Variants in LAMA2 observed in about 807,000 individuals in gnomAD.
The protein encoded by LAMA2 is laminin subunit alpha 2, also known as laminin subunit alpha-2.
A neutral mutation model predicts 364.8 loss-of-function variants in LAMA2; 269 were observed. The observed-to-expected ratio is 0.74, with a 90% CI of 0.67 to 0.82. LAMA2 has a LOEUF of 0.82. Ranked by LOEUF, LAMA2 falls within the 40% of genes least tolerant of loss-of-function variation. The pLI, the probability that LAMA2 is intolerant of heterozygous loss-of-function variation, is 0.00. For missense variants in LAMA2, 3,807 were observed against 3,873.2 expected (o/e 0.98, Z 0.45); for synonymous variants, 1,379 against 1,370.6 (o/e 1.01, Z -0.14).
At chr6:128,921,697 G>GGTTTTTTTTTTTTTTT (rs1778727510) in intron 1 of LAMA2, among the ~76,000 whole-genome samples, 2 of 118,072 alleles carry the variant, frequency 1.7e-5, no homozygotes, top group African/African-American at 7.5e-5. Context: ...ATGAATGTCT[G>GGTTTTTTTTTTTTTTT]TTTTTTTTTT....
chr6:129,216,335 C>A lies in LAMA2; in HGVS notation c.1782+23482C>A, dbSNP rs551721115. Among the ~76,000 whole-genome samples, 45 of 152,282 alleles carry A rather than the reference C, an allele frequency of 3.0e-4. No homozygotes were observed. The South Asian group carries it at 8.5e-3, about 29-fold the overall frequency. ...TAGAGCTGCCTAGAGCATAGTCTGG[C>A]ACATTATATAAATATTAAATAATTC... On this transcript the variant is annotated intron_variant, in intron 12 of 64. Transcript: ENST00000421865.
chr6:129,368,182 C>T (rs1423134959), intron 33 of LAMA2, among the ~76,000 whole-genome samples: 2 of 152,220 alleles, frequency 1.3e-5, no homozygotes, highest in African/African-American at 4.8e-5. Flanking sequence ...CCAAAGGCTC[C>T]ACCTCCTAAT....
intron 17 of LAMA2, among the ~76,000 whole-genome samples, chr6:129,275,693 ATCAACATATCTTAT>A (rs1487953326): frequency 1.3e-5 from 2 of 149,806 alleles, no homozygotes; most frequent in Admixed American, 1.4e-4. Context: ...TTCACGTTAA[ATCAACATATCTTAT>A]TTTGTTTAAA....
intron 29 of LAMA2, among the ~76,000 whole-genome samples, chr6:129,329,308 T>A (rs1034624585): frequency 6.6e-6 from 1 of 151,936 alleles, no homozygotes; most frequent in Non-Finnish European, 1.5e-5. Flanking sequence ...GAAACCCAAC[T>A]CTCACTTTGC....
intron 7 of LAMA2, 86 bp from the exon 8 acceptor site, chr6:129,154,419 A>C (rs1156632321): frequency 7.7e-7 from 1 of 1,295,592 alleles, no homozygotes; most frequent in Non-Finnish European, 1.1e-6. Flanking sequence ...GTCTCAAAAA[A>C]AAAATCTATT....
chr6:129,432,095 G>A (rs911702085), intron 41 of LAMA2, among the ~76,000 whole-genome samples: 1 of 152,140 alleles, frequency 6.6e-6, no homozygotes, highest in Non-Finnish European at 1.5e-5. Flanking sequence ...GCATGCAAAA[G>A]ACAAGCAAAA....
At chr6:129,218,483 G>T (rs1216590553) in intron 12 of LAMA2, among the ~76,000 whole-genome samples, 1 of 152,130 alleles carries the variant, frequency 6.6e-6, no homozygotes, top group African/African-American at 2.4e-5. Context: ...ATTCTGAGGG[G>T]AAAATGTAAA....
At chr6:129,016,709 G>A (rs556874970) in intron 1 of LAMA2, among the ~76,000 whole-genome samples, 1 of 151,820 alleles carries the variant, frequency 6.6e-6, no homozygotes, top group Non-Finnish European at 1.5e-5. Context: ...TTCTTAGTAT[G>A]GGCAATATTC....
intron 1 of LAMA2, among the ~76,000 whole-genome samples, chr6:128,895,684 A>T (rs1582620560): frequency 6.6e-6 from 1 of 152,146 alleles, no homozygotes; most frequent in East Asian, 1.9e-4. Flanking sequence ...AAACATACTA[A>T]TATCTGTAAT....
chr6:129,456,581 T>A, intron 48 of LAMA2, 87 bp downstream of exon 48: 1 of 1,229,618 alleles, frequency 8.1e-7, no homozygotes, highest in Non-Finnish European at 1.2e-6. Context: ...GATAAAGCTC[T>A]GTAAAACTTG....
chr6:129,469,037 A>G (rs56146447), intron 51 of LAMA2, among the ~76,000 whole-genome samples: 2,113 of 152,030 alleles, frequency 0.014, 55 homozygotes, highest in African/African-American at 0.048. Context: ...AAAAACATGA[A>G]TTATTTGGGC....
chr6:129,304,292 T>C (rs1048263670), intron 22 of LAMA2, among the ~76,000 whole-genome samples: 1 of 152,098 alleles, frequency 6.6e-6, no homozygotes. Flanking sequence ...TGAGACGGAG[T>C]CTTGCTCTGA....
chr6:129,142,716 A>T (rs1249437943), intron 4 of LAMA2, among the ~76,000 whole-genome samples: 1 of 151,996 alleles, frequency 6.6e-6, no homozygotes, highest in Non-Finnish European at 1.5e-5. Flanking sequence ...TTTTACAGTT[A>T]TACCTGTAAA....
chr6:129,171,534 C>T (rs890655657), intron 9 of LAMA2, among the ~76,000 whole-genome samples: 20 of 152,054 alleles, frequency 1.3e-4, no homozygotes, highest in African/African-American at 3.6e-4. Context: ...GAGTTTCTGC[C>T]GAGCGATCTG....
chr6:128,905,234 G>A (rs895599128), intron 1 of LAMA2, among the ~76,000 whole-genome samples: 10 of 152,112 alleles, frequency 6.6e-5, no homozygotes, highest in African/African-American at 2.4e-4. Context: ...AATAAATGAT[G>A]TACGTGTTTA....
intron 22 of LAMA2, among the ~76,000 whole-genome samples, chr6:129,307,229 G>T (rs921373856): frequency 6.6e-6 from 1 of 152,096 alleles, no homozygotes; most frequent in African/African-American, 2.4e-5. Context: ...TACCTAGTTG[G>T]TTACTATGTC....
chr6:129,358,524 C>T (rs1777283965), intron 32 of LAMA2, among the ~76,000 whole-genome samples: 1 of 151,978 alleles, frequency 6.6e-6, no homozygotes, highest in Non-Finnish European at 1.5e-5. Context: ...AATAAGTAAA[C>T]TAGCCTAGCC....
intron 1 of LAMA2, among the ~76,000 whole-genome samples, chr6:128,967,724 T>G (rs536467296): frequency 6.6e-6 from 1 of 152,292 alleles, no homozygotes; most frequent in South Asian, 2.1e-4. Context: ...GACTCCATTC[T>G]CACCCTAGGG....
intron 4 of LAMA2, among the ~76,000 whole-genome samples, chr6:129,108,554 T>G (rs781771695): frequency 6.6e-6 from 1 of 150,944 alleles, no homozygotes; most frequent in Admixed American, 6.6e-5. Context: ...ATCCCGCCCC[T>G]CTACACACCC....
Sources: allele counts gnomAD v4.1 joint callset (sites outside exome capture counted in the v4.1 genomes callset), GRCh38; gene constraint gnomAD v4.1.1; transcripts MANE v1.5; gene names NCBI Gene and HGNC (gene_info 2026-07-23, HGNC 2026-07-21).